Variants in LINGO2 observed in about 807,000 individuals in gnomAD.
LINGO2 encodes the protein leucine rich repeat and Ig domain containing 2, also known as leucine-rich repeat and immunoglobulin-like domain-containing nogo receptor-interacting protein 2.
In LINGO2, 14 loss-of-function variants were observed where a neutral mutation model predicts 30.6. That is an observed-to-expected ratio of 0.46 (90% confidence interval 0.30 to 0.72). LINGO2 has a LOEUF of 0.72. Ranked by LOEUF, LINGO2 falls within the 30% of genes least tolerant of loss-of-function variation. LINGO2 has a pLI of 0.07. For synonymous variants in LINGO2, 317 were observed against 288.5 expected, an observed-to-expected ratio of 1.10 and a Z score of -1.00; for missense variants, 729 against 751.7, an observed-to-expected ratio of 0.97 and a Z score of 0.35.
At chr9:28,207,312 T>C (rs1441914877) in intron 4 of LINGO2, among the ~76,000 whole-genome samples, 1 of 152,142 alleles carries the variant, frequency 6.6e-6, no homozygotes, top group Non-Finnish European at 1.5e-5. Context: ...GTTAAGAAGA[T>C]TAAGGCTGTT....
At chr9:28,327,012 G>C (rs1225693383) in intron 3 of LINGO2, among the ~76,000 whole-genome samples, 1 of 152,106 alleles carries the variant, frequency 6.6e-6, no homozygotes, top group African/African-American at 2.4e-5. Context: ...CTTCAATGTG[G>C]TGGCATTAAG....
chr9:28,195,083 G>GT (rs1030949449), intron 4 of LINGO2, among the ~76,000 whole-genome samples: 15 of 151,930 alleles, frequency 9.9e-5, no homozygotes, highest in African/African-American at 3.4e-4. Context: ...GTAAACATTT[G>GT]TTTTTTGAAA....
intron 5 of LINGO2, among the ~76,000 whole-genome samples, chr9:27,987,451 C>T (rs147380889): frequency 1.3e-5 from 2 of 151,876 alleles, no homozygotes; most frequent in South Asian, 2.1e-4. Context: ...ACTTTAAAAG[C>T]TAGTTGCTTT....
At chr9:28,665,988 T>A (rs952052101) in intron 1 of LINGO2, among the ~76,000 whole-genome samples, 30 of 149,624 alleles carry the variant, frequency 2.0e-4, no homozygotes, top group Non-Finnish European at 3.8e-4. Flanking sequence ...CGCCTCTGGG[T>A]TCAAGCGATT....
At chr9:28,068,852 T>G (rs919714240) in intron 4 of LINGO2, among the ~76,000 whole-genome samples, 2 of 152,254 alleles carry the variant, frequency 1.3e-5, no homozygotes, top group African/African-American at 2.4e-5. Flanking sequence ...ATCTATTCAT[T>G]TATTCATTCA....
chr9:28,315,222 G>A (rs1421817601), intron 3 of LINGO2, among the ~76,000 whole-genome samples: 1 of 150,318 alleles, frequency 6.7e-6, no homozygotes, highest in Non-Finnish European at 1.5e-5. Flanking sequence ...GCCCAAAATG[G>A]TGAAACCCCG....
chr9:28,377,518 A>G (rs1316515919), intron 2 of LINGO2, among the ~76,000 whole-genome samples: 1 of 152,152 alleles, frequency 6.6e-6, no homozygotes, highest in Non-Finnish European at 1.5e-5. Flanking sequence ...GGGGAGTAGA[A>G]AAGTTATACA....
chr9:28,784,886 T>G, the LINGO2 span, among the ~76,000 whole-genome samples: 2 of 150,662 alleles, frequency 1.3e-5, no homozygotes, highest in African/African-American at 4.9e-5. Context: ...AGGTGGAGGT[T>G]GTAGTGAGCC....
rs1050769723 is a variant in LINGO2 at position 28,014,734 on chromosome 9, G to C, written c.-86-2329C>G. On this transcript the variant is annotated intron_variant, in intron 4 of 5. Coordinates refer to ENST00000379992, the Ensembl canonical transcript of LINGO2. ...GTTGTTGAGCCACAAATTATATTTT[G>C]TGACTGTCTGACCTTGAAGGGCCCA... 5.1e-4 allele frequency among the ~76,000 whole-genome samples: 77 copies of C among 152,194 alleles called. 1 individual carries two copies. Among genetic ancestry groups the C allele is most frequent in the Admixed American group, 4.5e-3 (68 of 15,274 alleles).
intron 1 of LINGO2, among the ~76,000 whole-genome samples, chr9:28,521,529 T>TC (rs2135400654): frequency 6.6e-6 from 1 of 152,158 alleles, no homozygotes; most frequent in African/African-American, 2.4e-5. Context: ...GTCATGTTCT[T>TC]CCCCCCATTT....
intron 1 of LINGO2, among the ~76,000 whole-genome samples, chr9:28,519,175 G>C (rs1216141827): frequency 6.6e-6 from 1 of 152,016 alleles, no homozygotes; most frequent in African/African-American, 2.4e-5. Flanking sequence ...TGGGCTACAG[G>C]TGTGTGCCAC....
the LINGO2 span, among the ~76,000 whole-genome samples, chr9:28,872,883 T>G: frequency 6.6e-6 from 1 of 152,120 alleles, no homozygotes; most frequent in Non-Finnish European, 1.5e-5. Flanking sequence ...GAAAAATCGT[T>G]GAGCAATAAA....
chr9:28,361,651 CA>C (rs113971802), intron 3 of LINGO2, among the ~76,000 whole-genome samples: 2,012 of 144,654 alleles, frequency 0.014, 43 homozygotes, highest in African/African-American at 0.048. Context: ...GATTTTTGAA[CA>C]AAAAAAAAAG....
the LINGO2 span, among the ~76,000 whole-genome samples, chr9:28,778,712 C>G: frequency 6.6e-6 from 1 of 152,068 alleles, no homozygotes. Flanking sequence ...TCAACTTGCT[C>G]TGCAAAAACA....
intron 5 of LINGO2, among the ~76,000 whole-genome samples, chr9:28,004,103 T>C (rs573930438): frequency 1.3e-5 from 2 of 152,314 alleles, no homozygotes; most frequent in East Asian, 1.9e-4. Context: ...ATTTGTACGA[T>C]ATCTGTCTTG....
intron 4 of LINGO2, among the ~76,000 whole-genome samples, chr9:28,142,205 T>TAA (rs1285664743): frequency 6.6e-6 from 1 of 150,542 alleles, no homozygotes; most frequent in Non-Finnish European, 1.5e-5. Context: ...TATGCATTAG[T>TAA]AATATATATA....
chr9:28,875,139 C>A, the LINGO2 span, among the ~76,000 whole-genome samples: 2 of 152,090 alleles, frequency 1.3e-5, no homozygotes, highest in Non-Finnish European at 2.9e-5. Flanking sequence ...TGGTTCTCCT[C>A]AATTAACTTT....
the LINGO2 span, among the ~76,000 whole-genome samples, chr9:28,902,268 T>A: frequency 6.6e-6 from 1 of 152,138 alleles, no homozygotes. Flanking sequence ...ATAGCTATGC[T>A]TATATCAGTC....
the LINGO2 span, among the ~76,000 whole-genome samples, chr9:28,953,990 T>A: frequency 6.6e-6 from 1 of 152,112 alleles, no homozygotes; most frequent in African/African-American, 2.4e-5. Flanking sequence ...ATACTAAAAA[T>A]TACTCTTGTT....
Sources: gnomAD v4.1 joint callset for allele counts (sites outside exome capture counted in the v4.1 genomes callset) on GRCh38, gnomAD v4.1.1 for gene constraint, MANE v1.5 for transcripts, NCBI Gene and HGNC (gene_info 2026-07-23, HGNC 2026-07-21) for gene names.